Variants in ATRNL1 observed in about 807,000 individuals in gnomAD.
ATRNL1 encodes attractin-like protein 1.
ATRNL1 carries 95 observed loss-of-function variants against 182.7 expected under a neutral mutation model. The observed-to-expected ratio is 0.52, with a 90% CI of 0.44 to 0.62. The LOEUF (loss-of-function observed/expected upper bound fraction) is 0.62. Among genes scored for constraint, ATRNL1 ranks in the 20% least tolerant of loss-of-function variants. The pLI is 0.00. For synonymous variants in ATRNL1, 576 were observed against 568.3 expected (o/e 1.01, Z -0.19); for missense variants, 1,471 against 1,679.5 (o/e 0.88, Z 2.17).
chr10:115,856,526 GC>G (rs1213885080), intron 28 of ATRNL1, among the ~76,000 whole-genome samples: 1 of 149,186 alleles, frequency 6.7e-6, no homozygotes, highest in East Asian at 2.0e-4. Context: ...CTATAGGGCA[GC>G]AGTCCCCAAC....
chr10:115,864,406 A>G (rs1951387424), intron 28 of ATRNL1, among the ~76,000 whole-genome samples: 1 of 152,244 alleles, frequency 6.6e-6, no homozygotes, highest in Non-Finnish European at 1.5e-5. Context: ...TGTTAAAGGT[A>G]AGAACCATTG....
chr10:115,235,474 T>C (rs782216894), intron 9 of ATRNL1, among the ~76,000 whole-genome samples: 15 of 152,174 alleles, frequency 9.9e-5, no homozygotes, highest in Admixed American at 5.2e-4. Context: ...ATGTATGGAA[T>C]TGTACAAACA....
intron 27 of ATRNL1, among the ~76,000 whole-genome samples, chr10:115,828,763 C>T (rs1438331018): frequency 6.6e-6 from 1 of 152,090 alleles, no homozygotes; most frequent in Non-Finnish European, 1.5e-5. Context: ...TAAATGGCTG[C>T]CAAGTTTCAC....
At chr10:115,921,344 A>C (rs540148071) in intron 28 of ATRNL1, among the ~76,000 whole-genome samples, 1 of 152,198 alleles carries the variant, frequency 6.6e-6, no homozygotes, top group African/African-American at 2.4e-5. Context: ...TTGTCTCAGA[A>C]GTTTATATGT....
chr10:115,862,276 A>G (rs912878682), intron 28 of ATRNL1, among the ~76,000 whole-genome samples: 3 of 152,238 alleles, frequency 2.0e-5, no homozygotes, highest in Non-Finnish European at 4.4e-5. Context: ...TGCCTACTGC[A>G]TTACAGGTTA....
At chr10:115,590,331 G>T (rs1434129701) in intron 26 of ATRNL1, among the ~76,000 whole-genome samples, 2 of 152,058 alleles carry the variant, frequency 1.3e-5, no homozygotes, top group Admixed American at 6.6e-5. Flanking sequence ...TTTTAATAAT[G>T]ATCTTAAAAG....
At chr10:115,554,080 A>G (rs571335308) in intron 26 of ATRNL1, among the ~76,000 whole-genome samples, 188 of 151,706 alleles carry the variant, frequency 1.2e-3, no homozygotes, top group African/African-American at 4.4e-3. Context: ...TAGCACTTCA[A>G]AGTTCTGTAT....
chr10:115,888,606 T>C (rs782813445), intron 28 of ATRNL1, among the ~76,000 whole-genome samples: 1 of 152,254 alleles, frequency 6.6e-6, no homozygotes, highest in Non-Finnish European at 1.5e-5. Context: ...AATCCTCTTA[T>C]AAGGTACTTA....
chr10:115,271,729 G>T (rs1246140188), intron 13 of ATRNL1, among the ~76,000 whole-genome samples: 1 of 151,870 alleles, frequency 6.6e-6, no homozygotes, highest in Non-Finnish European at 1.5e-5. Flanking sequence ...TATCTGTTGG[G>T]GTGACTCAAA....
chr10:115,162,849 G>A (rs78932984), intron 6 of ATRNL1, among the ~76,000 whole-genome samples: 2,427 of 151,894 alleles, frequency 0.016, 34 homozygotes, highest in Non-Finnish European at 0.024. Flanking sequence ...GGCATTATGT[G>A]AGGATTAAGG....
chr10:115,487,460 C>T (rs569623125), intron 24 of ATRNL1, among the ~76,000 whole-genome samples: 1 of 152,216 alleles, frequency 6.6e-6, no homozygotes, highest in African/African-American at 2.4e-5. Context: ...CCTTCACATC[C>T]CTTGTAAGTT....
chr10:115,905,337 C>T (rs1358068409), intron 28 of ATRNL1, among the ~76,000 whole-genome samples: 1 of 152,018 alleles, frequency 6.6e-6, no homozygotes, highest in Non-Finnish European at 1.5e-5. Context: ...CCTCGTACCT[C>T]AGCCTCCCGA....
At chr10:115,633,702 G>A (rs1210902859) in intron 26 of ATRNL1, among the ~76,000 whole-genome samples, 1 of 152,084 alleles carries the variant, frequency 6.6e-6, no homozygotes, top group Non-Finnish European at 1.5e-5. Flanking sequence ...CATTTTAAGA[G>A]TTACAGATAC....
chr10:115,908,968 C>T lies in ATRNL1; in HGVS notation c.4019-35690C>T, dbSNP rs150707942. 5.3e-5 allele frequency among the ~76,000 whole-genome samples: 8 copies of T among 152,282 alleles called. No individual in the cohort carries two copies. The East Asian group carries it at 9.7e-4, about 18-fold the overall frequency. ...AGCAGTGTATGTAGGCACATGTGCA[C>T]GTCATGCCTGCACACCCCCATCATT... is the stretch of plus-strand genomic sequence containing the variant. On this transcript the variant is annotated intron_variant, in intron 28 of 28. Transcript: ENST00000355044.
intron 27 of ATRNL1, among the ~76,000 whole-genome samples, chr10:115,835,233 A>G (rs1541466): frequency 0.16 from 23,736 of 152,088 alleles, 2,107 homozygotes; most frequent in Non-Finnish European, 0.2. Flanking sequence ...CCCTGAATGC[A>G]AAATAAGGGT....
rs1184152409 is a variant in ATRNL1, at chr10:115,882,382, C to T, written c.4018+34391C>T. 3.3e-5 allele frequency among the ~76,000 whole-genome samples: 5 copies of T among 152,284 alleles called. No homozygotes were observed. In the South Asian group the frequency reaches 6.2e-4, roughly 19 times the overall value. ...ACTGCCTAAATAAGTGGCCTTAAGA[C>T]GCCCCTAACCCAGGTTCTGACACCC... On this transcript the variant is annotated intron_variant, in intron 28 of 28. Coordinates refer to ENST00000355044, the MANE Select transcript of ATRNL1 (RefSeq NM_207303.4).
At chr10:115,461,153 A>T (rs1438484373) in intron 21 of ATRNL1, among the ~76,000 whole-genome samples, 4 of 152,092 alleles carry the variant, frequency 2.6e-5, no homozygotes, top group Admixed American at 2.0e-4. Context: ...TATAATATGA[A>T]AGGTATGTAT....
At chr10:115,468,697 AT>A (rs1554971409) in intron 23 of ATRNL1, among the ~76,000 whole-genome samples, 1 of 150,670 alleles carries the variant, frequency 6.6e-6, no homozygotes, top group Non-Finnish European at 1.5e-5. Flanking sequence ...ATTTTTTCCC[AT>A]TTTTTAATTG....
intron 10 of ATRNL1, among the ~76,000 whole-genome samples, chr10:115,248,201 A>G (rs1554904553): frequency 6.6e-6 from 1 of 152,174 alleles, no homozygotes; most frequent in African/African-American, 2.4e-5. Context: ...AGAAATGATA[A>G]ATGTTCGAGA....
Sources: allele counts gnomAD v4.1 joint callset (sites outside exome capture counted in the v4.1 genomes callset), GRCh38; gene constraint gnomAD v4.1.1; transcripts MANE v1.5; gene names NCBI Gene and HGNC (gene_info 2026-07-23, HGNC 2026-07-21).